GPA33: variants seen among roughly 807,000 people sequenced by gnomAD.
GPA33 encodes the protein glycoprotein A33, also known as cell surface A33 antigen.
In GPA33, 27 loss-of-function variants were observed where a neutral mutation model predicts 35.6. The observed-to-expected ratio is 0.76, with a 90% CI of 0.56 to 1.04. GPA33 has a LOEUF of 1.04. GPA33 is among the 50% of genes least tolerant of loss of function. The pLI is 0.00. For synonymous variants in GPA33, 176 were observed against 164.0 expected, an observed-to-expected ratio of 1.07 and a Z score of -0.56; for missense variants, 428 against 411.9, an observed-to-expected ratio of 1.04 and a Z score of -0.34.
chr1:167,082,589 C>A (rs549846451), intron 1 of GPA33, among the ~76,000 whole-genome samples: 2 of 152,184 alleles, frequency 1.3e-5, no homozygotes, highest in African/African-American at 2.4e-5. Flanking sequence ...AGACCTTAGC[C>A]TGGGAGGGGA....
At chr1:167,077,062 C>T (rs1213567152) in intron 1 of GPA33, among the ~76,000 whole-genome samples, 4 of 152,104 alleles carry the variant, frequency 2.6e-5, no homozygotes, top group South Asian at 2.1e-4. Flanking sequence ...AAAAAATTAG[C>T]GACTGTGGTG....
At chr1:167,056,701 G>GTATGGGGGCAGTGTGTGTGT (rs1465751475) in intron 4 of GPA33, among the ~76,000 whole-genome samples, 1 of 2,998 alleles carries the variant, frequency 3.3e-4, no homozygotes, top group Non-Finnish European at 8.5e-4. Context: ...TGGGTGTGTG[G>GTATGGGGGCAGTGTGTGTGT]TGTGTGTAGT....
rs150738753 is a variant in GPA33, at chr1:167,073,526, G to A, written c.57C>T (p.Val19=). ...GCGGAGTTTCCACAGAGATGGCATC[G>A]ACGGTCACCCTGACTGGAAAGAAAG... is the stretch of plus-strand genomic sequence containing the variant. ...LWTLCAVRVT[V]DAISVETPQD... Residue 19 remains valine, a synonymous_variant, in exon 2 of 7, where the codon GTC becomes GTT. Coordinates refer to ENST00000367868, the MANE Select transcript of GPA33 (RefSeq NM_005814.3). 19 of 1,613,546 alleles carry A rather than the reference G, an allele frequency of 1.2e-5. No individual in the cohort carries two copies. The highest frequency in any genetic ancestry group is 2.7e-5 in the African/African-American group (2 of 74,894).
chr1:167,068,672 A>G (rs990765022), intron 3 of GPA33, among the ~76,000 whole-genome samples: 1 of 152,242 alleles, frequency 6.6e-6, no homozygotes, highest in African/African-American at 2.4e-5. Context: ...AAGGACACCG[A>G]CAGAGCAAGG....
At chr1:167,086,439 A>G (rs1424489771) in intron 1 of GPA33, among the ~76,000 whole-genome samples, 1 of 152,222 alleles carries the variant, frequency 6.6e-6, no homozygotes, top group East Asian at 1.9e-4. Flanking sequence ...CACATATCTT[A>G]GGCTAGGCCA....
chr1:167,059,966 C>A (rs1383675129), intron 4 of GPA33, among the ~76,000 whole-genome samples: 1 of 152,190 alleles, frequency 6.6e-6, no homozygotes, highest in African/African-American at 2.4e-5. Flanking sequence ...AGCAGAGGTA[C>A]CCTCCTCTCC....
chr1:167,066,132 G>A (rs1666588135), intron 3 of GPA33, among the ~76,000 whole-genome samples: 1 of 152,194 alleles, frequency 6.6e-6, no homozygotes, highest in African/African-American at 2.4e-5. Flanking sequence ...CACAATTGGA[G>A]AGCGGGCAAA....
At chr1:167,088,479 G>A (rs1667097460) in intron 1 of GPA33, among the ~76,000 whole-genome samples, 3 of 152,176 alleles carry the variant, frequency 2.0e-5, no homozygotes, top group African/African-American at 7.2e-5. Context: ...AAGAAAAGTT[G>A]GTGGGCACGT....
chr1:167,086,243 G>A (rs186124357), intron 1 of GPA33, among the ~76,000 whole-genome samples: 244 of 152,358 alleles, frequency 1.6e-3, no homozygotes, highest in African/African-American at 5.2e-3. Flanking sequence ...AGGCCCCAGC[G>A]GGGAGCCAGG....
In GPA33 at chr1:167,054,013, C is replaced by T; in HGVS notation, c.*321G>A. 2.7e-6 allele frequency: 1 copy of T among 366,388 alleles called. No individual in the cohort carries two copies. The highest frequency in any genetic ancestry group is 5.1e-6 in the Non-Finnish European group (1 of 196,968). 22.7% of individuals were successfully genotyped at this position (366,388 alleles called of 1,614,324 possible). On this transcript the variant is annotated 3_prime_UTR_variant, in exon 7 of 7. Transcript: ENST00000367868. ...GAGTTCTGAGTGGGAGCGCCCCATG[C>T]TCAGCGCTGTGCTTCCAGGAGCTCC...
chr1:167,066,989 G>A (rs1666608654), intron 3 of GPA33, among the ~76,000 whole-genome samples: 1 of 152,350 alleles, frequency 6.6e-6, no homozygotes, highest in South Asian at 2.1e-4. Context: ...CCTTAAAATA[G>A]CCTAGCTGCA....
chr1:167,081,952 C>G (rs1426868007), intron 1 of GPA33, among the ~76,000 whole-genome samples: 1 of 152,146 alleles, frequency 6.6e-6, no homozygotes, highest in Admixed American at 6.5e-5. Context: ...TTACTGTCAG[C>G]CAGCATCCTA....
At chr1:167,062,164 ATATTT>A (rs1287350076) in intron 4 of GPA33, among the ~76,000 whole-genome samples, 2 of 151,688 alleles carry the variant, frequency 1.3e-5, no homozygotes, top group Non-Finnish European at 2.9e-5. Context: ...TTTTTAAAAA[ATATTT>A]TATTTATTTT....
At chr1:167,080,294 T>C (rs1666899962) in intron 1 of GPA33, among the ~76,000 whole-genome samples, 1 of 152,234 alleles carries the variant, frequency 6.6e-6, no homozygotes, top group African/African-American at 2.4e-5. Context: ...TGTATCAATG[T>C]GTTAACCTCC....
intron 4 of GPA33, among the ~76,000 whole-genome samples, chr1:167,056,867 GGT>G (rs1219701305): frequency 5.2e-5 from 1 of 19,188 alleles, no homozygotes; most frequent in Admixed American, 4.5e-4. Context: ...GTGTGTGTGT[GGT>G]GTGTGGTGTG....
intron 3 of GPA33, among the ~76,000 whole-genome samples, chr1:167,066,283 T>G (rs1268543708): frequency 3.3e-5 from 5 of 152,184 alleles, no homozygotes; most frequent in Non-Finnish European, 7.3e-5. Flanking sequence ...CCTACTGGCA[T>G]CTACAGAGCA....
intron 4 of GPA33, among the ~76,000 whole-genome samples, chr1:167,056,602 G>GGAGGTATA (rs1267525235): frequency 1.3e-4 from 2 of 15,462 alleles, no homozygotes; most frequent in African/African-American, 2.0e-4. Flanking sequence ...TGTGTATGTG[G>GGAGGTATA]TGTGTGTAGT....
intron 1 of GPA33, among the ~76,000 whole-genome samples, chr1:167,074,866 G>T (rs1666789953): frequency 1.3e-5 from 2 of 151,304 alleles, no homozygotes; most frequent in South Asian, 4.2e-4. Context: ...AAGTGAAAAT[G>T]CCCTGGAGAG....
At chr1:167,086,509 C>A (rs1476735532) in intron 1 of GPA33, among the ~76,000 whole-genome samples, 1 of 152,080 alleles carries the variant, frequency 6.6e-6, no homozygotes, top group Non-Finnish European at 1.5e-5. Context: ...TAGGGCAGAC[C>A]CCAGGGACCA....
Sources: gnomAD v4.1 joint callset for allele counts (sites outside exome capture counted in the v4.1 genomes callset) on GRCh38, gnomAD v4.1.1 for gene constraint, MANE v1.5 for transcripts, NCBI Gene and HGNC (gene_info 2026-07-23, HGNC 2026-07-21) for gene names.